The following EXOC5 variants were observed in gnomAD, a reference collection of about 807,000 sequenced individuals.
The protein encoded by EXOC5 is SEC10-like 1.
EXOC5 carries 17 observed loss-of-function variants against 90.8 expected under a neutral mutation model. The observed-to-expected ratio is 0.19, with a 90% CI of 0.13 to 0.28. EXOC5 has a LOEUF of 0.28. Among genes scored for constraint, EXOC5 ranks in the 10% least tolerant of loss-of-function variants. The pLI is 1.00. For missense variants in EXOC5, 569 were observed against 830.6 expected (o/e 0.69, Z 3.87); for synonymous variants, 260 against 270.0 (o/e 0.96, Z 0.36).
intron 1 of EXOC5, among the ~76,000 whole-genome samples, chr14:57,254,849 T>C (rs1000025808): frequency 1.3e-5 from 2 of 152,168 alleles, no homozygotes; most frequent in Admixed American, 6.5e-5. Context: ...GGCCTCAGCA[T>C]GATAACTACC....
intron 1 of EXOC5, among the ~76,000 whole-genome samples, chr14:57,251,368 T>C (rs1884187983): frequency 6.6e-6 from 1 of 152,226 alleles, no homozygotes; most frequent in African/African-American, 2.4e-5. Context: ...TGGTGGCCTT[T>C]CTTGTTGCAC....
intron 15 of EXOC5, among the ~76,000 whole-genome samples, chr14:57,212,491 C>T (rs979768331): frequency 1.3e-5 from 2 of 152,238 alleles, no homozygotes; most frequent in Admixed American, 6.5e-5. Context: ...ATGCCTGCTG[C>T]ATTAGCACAC....
Position 57,230,489 on chromosome 14 carries a change from C to G in EXOC5, c.1149-608G>C, listed in dbSNP as rs542377328. ...TATTATTCATTAGTTTTCCTCTTCC[C>G]TTCCTTGCTACTACCTTTCAGGTAT... On this transcript the variant is annotated intron_variant, in intron 11 of 17. Transcript: ENST00000621441. Among the ~76,000 whole-genome samples, 14 of 152,068 alleles carry G rather than the reference C, an allele frequency of 9.2e-5. No individual in the cohort carries two copies. The South Asian group carries it at 2.7e-3, about 29-fold the overall frequency.
chr14:57,232,801 A>G, intron 9 of EXOC5, 52 bp from the exon 10 acceptor site: 2 of 850,700 alleles, frequency 2.4e-6, no homozygotes, highest in Non-Finnish European at 3.8e-6. Context: ...TAAATTCTAC[A>G]ACTTCTCAAG....
chr14:57,216,461 G>A (rs1882977267), intron 15 of EXOC5, among the ~76,000 whole-genome samples: 2 of 152,016 alleles, frequency 1.3e-5, no homozygotes, highest in African/African-American at 2.4e-5. Flanking sequence ...AATGGAACAG[G>A]ATACAGAGCC....
At chr14:57,253,048 C>T (rs1884239551) in intron 1 of EXOC5, among the ~76,000 whole-genome samples, 1 of 152,040 alleles carries the variant, frequency 6.6e-6, no homozygotes, top group Non-Finnish European at 1.5e-5. Flanking sequence ...AAGACAAATG[C>T]CACATGACCT....
chr14:57,261,385 A>T (rs1486916701), intron 1 of EXOC5, among the ~76,000 whole-genome samples: 2 of 152,222 alleles, frequency 1.3e-5, no homozygotes, highest in African/African-American at 4.8e-5. Context: ...TCCTCAATTT[A>T]ATGACTTGCT....
chr14:57,253,107 G>C (rs1884241298), intron 1 of EXOC5, among the ~76,000 whole-genome samples: 1 of 152,146 alleles, frequency 6.6e-6, no homozygotes, highest in African/African-American at 2.4e-5. Context: ...AGTAAGAGTA[G>C]ATTGGTGGTT....
chr14:57,240,993 T>C (rs745529561), intron 4 of EXOC5, among the ~76,000 whole-genome samples: 4 of 152,050 alleles, frequency 2.6e-5, no homozygotes, highest in African/African-American at 4.8e-5. Flanking sequence ...GCTGGGATTA[T>C]AGGCATGCAC....
intron 5 of EXOC5, 100 bp from the exon 6 acceptor site, chr14:57,237,466 G>A (rs995769256): frequency 2.7e-5 from 19 of 712,796 alleles, no homozygotes; most frequent in African/African-American, 1.4e-4. Flanking sequence ...CAGGAGATAC[G>A]AGAACCATCT....
intron 4 of EXOC5, among the ~76,000 whole-genome samples, chr14:57,241,091 T>C (rs1883844342): frequency 6.6e-6 from 1 of 152,142 alleles, no homozygotes; most frequent in Non-Finnish European, 1.5e-5. Context: ...TGGCCTCAAG[T>C]GATCTGCCCA....
In EXOC5 at chr14:57,244,268, T is replaced by C. The variant is rs1243929602; in HGVS notation, c.362A>G (p.Asn121Ser). The change falls in exon 4 of 18, where the codon AAC (asparagine) becomes AGC (serine). Residue 121 changes from asparagine (N) to serine (S), a missense_variant. Asn to Ser is a conservative substitution (Grantham distance 46, BLOSUM62 1). Transcript: ENST00000621441. ...CHLGDQLEGV[N>S]TPRQRAVEAQ... ...CTCCACTGCCCGTTGTCTGGGTGTG[T>C]TTACCCCCTCTAACTGGTCTCCAAG... 1.9e-6 allele frequency: 3 copies of C among 1,612,866 alleles called. No homozygotes were observed. Among genetic ancestry groups the C allele is most frequent in the Non-Finnish European group, 1.7e-6 (2 of 1,178,842 alleles).
In EXOC5 at chr14:57,239,153, T is replaced by C. The variant is rs535141947; in HGVS notation, c.530+442A>G. 4.3e-4 allele frequency among the ~76,000 whole-genome samples: 65 copies of C among 152,270 alleles called. No individual in the cohort carries two copies. In the East Asian group the frequency reaches 7.7e-3, roughly 18 times the overall value. ...ACAATAATCTGTGTGTATCTTAATT[T>C]CCTGAAGAAAGGTGATAGCGTTCAT... On this transcript the variant is annotated intron_variant, in intron 5 of 17. Transcript: ENST00000621441.
intron 1 of EXOC5, among the ~76,000 whole-genome samples, chr14:57,261,002 G>A (rs773619688): frequency 5.3e-5 from 8 of 151,976 alleles, no homozygotes; most frequent in Admixed American, 1.3e-4. Context: ...TGCTTCTTTC[G>A]TTTATTATAA....
intron 15 of EXOC5, among the ~76,000 whole-genome samples, chr14:57,212,409 A>C (rs1882856751): frequency 6.6e-6 from 1 of 152,242 alleles, no homozygotes; most frequent in Non-Finnish European, 1.5e-5. Context: ...CGGTGGACCC[A>C]ACAAGAAATT....
intron 12 of EXOC5, 68 bp from the exon 13 acceptor site, chr14:57,222,484 GCAAT>G: frequency 1.2e-6 from 1 of 823,140 alleles, no homozygotes. Context: ...TTTTTTTTAA[GCAAT>G]CAATTTTTTA....
intron 13 of EXOC5, 71 bp from the exon 14 acceptor site, chr14:57,219,513 A>C: frequency 8.0e-7 from 1 of 1,254,714 alleles, no homozygotes; most frequent in Non-Finnish European, 1.1e-6. Flanking sequence ...GAAAAAAAGA[A>C]TGTGGTTTTT....
intron 13 of EXOC5, 76 bp from the exon 14 acceptor site, chr14:57,219,518 G>GT (rs1370120798): frequency 4.0e-5 from 47 of 1,175,392 alleles, no homozygotes; most frequent in Non-Finnish European, 2.4e-6. Flanking sequence ...AAAGAATGTG[G>GT]TTTTTTAATC....
chr14:57,242,971 T>C (rs1465916468), intron 4 of EXOC5, among the ~76,000 whole-genome samples: 2 of 152,204 alleles, frequency 1.3e-5, no homozygotes, highest in East Asian at 1.9e-4. Flanking sequence ...CGGGAGGCCA[T>C]TACTCTAAAT....
Sources: gnomAD v4.1 joint callset for allele counts (sites outside exome capture counted in the v4.1 genomes callset) on GRCh38, gnomAD v4.1.1 for gene constraint, MANE v1.5 for transcripts, NCBI Gene and HGNC (gene_info 2026-07-23, HGNC 2026-07-21) for gene names.